The following CEMIP2 variants were observed in gnomAD, a reference collection of about 807,000 sequenced individuals.
CEMIP2 encodes the protein cell migration inducing hyaluronidase 2.
A neutral mutation model predicts 146.9 loss-of-function variants in CEMIP2; 79 were observed. The observed-to-expected ratio is 0.54, with a 90% CI of 0.45 to 0.65. The LOEUF (loss-of-function observed/expected upper bound fraction) is 0.65, where lower values mean the gene tolerates loss of function less well. Among genes scored for constraint, CEMIP2 ranks in the 30% least tolerant of loss-of-function variants. The pLI is 0.00. For synonymous variants in CEMIP2, 601 were observed against 606.3 expected (o/e 0.99, Z 0.13); for missense variants, 1,596 against 1,696.2 (o/e 0.94, Z 1.04).
intron 21 of CEMIP2, among the ~76,000 whole-genome samples, chr9:71,692,574 G>A (rs1037804569): frequency 6.6e-6 from 1 of 151,966 alleles, no homozygotes. Flanking sequence ...ATTACAAAAT[G>A]CAGGACTGCT....
At chr9:71,738,024 C>G (rs191053089) in intron 5 of CEMIP2, among the ~76,000 whole-genome samples, 69 of 152,020 alleles carry the variant, frequency 4.5e-4, no homozygotes, top group African/African-American at 1.6e-3. Flanking sequence ...TATGGTAGAG[C>G]CCCCAATTTA....
At position 71,718,063 on chromosome 9, in the gene CEMIP2, C is replaced by G. The variant is rs749481216; in HGVS notation, c.2284G>C (p.Asp762His). 9 of 1,609,316 alleles carry G rather than the reference C, an allele frequency of 5.6e-6. No individual in the cohort carries two copies. The South Asian group carries it at 8.9e-5, about 16-fold the overall frequency. The change falls in exon 13 of 24, where the codon GAT becomes CAT. Residue 762 changes from aspartate to histidine, a missense_variant. Coordinates refer to ENST00000377044, the MANE Select transcript of CEMIP2 (RefSeq NM_013390.3). ...DNSARFRPHQ[D>H]ANPEKPRVAA... ...ACACGTGGTTTTTCGGGGTTTGCAT[C>G]CTGATGAGGTCGAAATCTAGGGGTT...
chr9:71,741,359 G>A (rs373064072), intron 4 of CEMIP2, among the ~76,000 whole-genome samples: 2 of 151,462 alleles, frequency 1.3e-5, no homozygotes, highest in South Asian at 4.2e-4. Flanking sequence ...CACCACGCCC[G>A]GCCAATTTTG....
At chr9:71,746,459 T>C (rs1589161960) in intron 2 of CEMIP2, 118 bp from the exon 3 acceptor site, 10 of 1,236,100 alleles carry the variant, frequency 8.1e-6, no homozygotes, top group African/African-American at 1.5e-5. Context: ...TATGTTGATT[T>C]CCTGCCATTA....
chr9:71,728,300 T>A lies in CEMIP2; in HGVS notation c.2049+1545A>T, dbSNP rs1346355657. 6.1e-3 allele frequency among the ~76,000 whole-genome samples: 228 copies of A among 37,306 alleles called. 26 individuals are homozygous for A. Among genetic ancestry groups the A allele is most frequent in the South Asian group, 0.011 (9 of 826 alleles). 24.5% of individuals were successfully genotyped at this position (37,306 alleles called of 152,430 possible). A position where few individuals can be genotyped will look rare whatever the true frequency, so the allele number is the denominator to read the frequency against. On this transcript the variant is annotated intron_variant, in intron 10 of 23. Transcript: ENST00000377044. ...ATATATGTATATATATATATATATA[T>A]ACATATATATATATATACGTATATA...
intron 7 of CEMIP2, among the ~76,000 whole-genome samples, chr9:71,731,661 T>C (rs1823620692): frequency 6.6e-6 from 1 of 151,276 alleles, no homozygotes; most frequent in South Asian, 2.1e-4. Context: ...GATCCCAGGA[T>C]ATTGAGCCCA....
intron 12 of CEMIP2, among the ~76,000 whole-genome samples, chr9:71,719,067 A>T (rs1823154394): frequency 1.3e-5 from 2 of 152,084 alleles, no homozygotes; most frequent in Admixed American, 1.3e-4. Context: ...ATATTCAAAT[A>T]CTCAAATGGC....
intron 1 of CEMIP2, among the ~76,000 whole-genome samples, chr9:71,757,654 T>C (rs1484153232): frequency 1.3e-5 from 2 of 152,230 alleles, no homozygotes; most frequent in African/African-American, 2.4e-5. Context: ...GAATTTTCAA[T>C]TAATAATTCC....
At chr9:71,760,684 C>A (rs1021376283) in intron 1 of CEMIP2, among the ~76,000 whole-genome samples, 1 of 151,158 alleles carries the variant, frequency 6.6e-6, no homozygotes, top group Non-Finnish European at 1.5e-5. Context: ...ACAGACCAAG[C>A]GGGGAGGAAG....
intron 1 of CEMIP2, among the ~76,000 whole-genome samples, chr9:71,759,833 G>T (rs1270067472): frequency 6.6e-6 from 1 of 150,530 alleles, no homozygotes; most frequent in South Asian, 2.1e-4. Flanking sequence ...GGAGGTGGGG[G>T]GGGGATGGCA....
At chr9:71,735,087 AAAGTT>A (rs1298848927) in intron 5 of CEMIP2, 93 bp from the exon 6 acceptor site, 1 of 1,437,760 alleles carries the variant, frequency 7.0e-7, no homozygotes, top group African/African-American at 1.4e-5. Context: ...TCACAAATCA[AAAGTT>A]AAGATAACCA....
rs751782826 is a variant in CEMIP2, at chr9:71,745,125, A to T, written c.927T>A (p.Ile309=). The T allele has an allele frequency of 1.2e-6, 2 of 1,614,116 alleles. No homozygotes were observed. The highest frequency in any genetic ancestry group is 3.3e-5 in the Admixed American group (2 of 60,016). ...CTGAATCCCCGACAGCTATGGCAAC[A>T]ATCCGACCTGGATCCTGGAATCTCA... The part of the protein sequence containing the change: ...EFLRFQDPGR[I]VAIAVGDSAA... Residue 309 remains isoleucine, a synonymous_variant, in exon 4 of 24, where the codon ATT becomes ATA. Transcript: ENST00000377044.
chr9:71,760,359 A>G (rs528006274), intron 1 of CEMIP2, among the ~76,000 whole-genome samples: 1 of 152,352 alleles, frequency 6.6e-6, no homozygotes, highest in East Asian at 1.9e-4. Context: ...CAAAACAAAG[A>G]GCTGCTATTT....
At chr9:71,760,410 T>TGGTTAAGAACAGCTAACACTCTCTGAGC (rs1554689798) in intron 1 of CEMIP2, among the ~76,000 whole-genome samples, 4 of 151,866 alleles carry the variant, frequency 2.6e-5, no homozygotes, top group Admixed American at 6.6e-5. Flanking sequence ...GAAAACTTCT[T>TGGTTAAGAACAGCTAACACTCTCTGAGC]AAAGTGAAAT....
In CEMIP2 at chr9:71,711,989, T is replaced by C. The variant is rs1056492091; in HGVS notation, c.2769+94A>G. 4.4e-6 allele frequency: 6 copies of C among 1,362,468 alleles called. No homozygotes were observed. In the South Asian group the frequency reaches 5.5e-5, roughly 12 times the overall value. The allele number at this position is 1,362,468 out of a possible 1,614,324, so 84.4% of individuals were successfully genotyped here. A position where few individuals can be genotyped will look rare whatever the true frequency, so the allele number is the denominator to read the frequency against. Reference sequence around the variant, plus strand: ...TATGTCTCCTCCCACTCGTACAGACTCGGTGCAAATCCTTTGCGTTTTTGT... The same window carrying C: ...TATGTCTCCTCCCACTCGTACAGACCCGGTGCAAATCCTTTGCGTTTTTGT... On this transcript the variant is annotated intron_variant, in intron 16 of 23. Transcript: ENST00000377044.
At position 71,750,434 on chromosome 9, in the gene CEMIP2, T is replaced by A. The variant is rs1019309165; in HGVS notation, c.-12-49A>T. The A allele has an allele frequency of 4.5e-5, 57 of 1,271,340 alleles. No homozygotes were observed. In the African/African-American group the frequency reaches 5.5e-4, roughly 12 times the overall value. The allele number at this position is 1,271,340 out of a possible 1,614,324, so 78.8% of individuals were successfully genotyped here. A position where few individuals can be genotyped will look rare whatever the true frequency, so the allele number is the denominator to read the frequency against. ...GCTTCAGTATGTGTAAATTCTTTTT[T>A]AATTTCTTTTATTTATTTATTTATG... On this transcript the variant is annotated intron_variant, in intron 1 of 23. Transcript: ENST00000377044.
chr9:71,714,772 G>A (rs1446261827), intron 15 of CEMIP2, among the ~76,000 whole-genome samples, 162 bp downstream of exon 15: 1 of 152,150 alleles, frequency 6.6e-6, no homozygotes, highest in Non-Finnish European at 1.5e-5. Flanking sequence ...TATAATAGTA[G>A]TAGCAGTAGC....
intron 17 of CEMIP2, among the ~76,000 whole-genome samples, chr9:71,707,229 A>G (rs948135711): frequency 6.6e-6 from 1 of 152,234 alleles, no homozygotes; most frequent in African/African-American, 2.4e-5. Flanking sequence ...GATTAAGAAT[A>G]AGATAAATGG....
rs116940667 is a variant in CEMIP2 at position 71,755,787 on chromosome 9, C to G, written c.-12-5402G>C. On this transcript the variant is annotated intron_variant, in intron 1 of 23. Coordinates refer to ENST00000377044, the MANE Select transcript of CEMIP2 (RefSeq NM_013390.3). ...GCCTGGGCAACATAGTGAGTGAGAC[C>G]TTATCTCTATTAAAAACCAAAAAAA... 9.8e-4 allele frequency among the ~76,000 whole-genome samples: 148 copies of G among 151,196 alleles called. 3 individuals are homozygous for G. The East Asian group carries it at 0.028, about 29-fold the overall frequency.
Sources: allele counts gnomAD v4.1 joint callset (sites outside exome capture counted in the v4.1 genomes callset), GRCh38; gene constraint gnomAD v4.1.1; transcripts MANE v1.5; gene names NCBI Gene and HGNC (gene_info 2026-07-23, HGNC 2026-07-21).